The following GSE1 variants were observed in gnomAD, a reference collection of about 807,000 sequenced individuals.
GSE1 encodes Gse1 coiled-coil protein.
A neutral mutation model predicts 112.6 loss-of-function variants in GSE1; 32 were observed. That is an observed-to-expected ratio of 0.28 (90% CI 0.21 to 0.38). The LOEUF (loss-of-function observed/expected upper bound fraction) is 0.38. GSE1 is among the 10% of genes least tolerant of loss of function. The probability of loss-of-function intolerance (pLI) is 1.00; values close to 1 mark genes in which losing one functional copy is unlikely to be tolerated. For synonymous variants in GSE1, 1,115 were observed against 735.6 expected, an observed-to-expected ratio of 1.52 and a Z score of -8.35; for missense variants, 2,348 against 1,699.2, an observed-to-expected ratio of 1.38 and a Z score of -6.71.
rs35799221 is a variant in GSE1, at chr16:85,556,161, A to ATT, written c.-156_-155dup. On this transcript the variant is annotated 5_prime_UTR_variant, in exon 1 of 3. Coordinates refer to the GSE1 transcript ENST00000635906. Reference sequence around the variant, plus strand: ...TGCGGGGCGGGGGGGGGAAAGACTGATTTTTTTTTTTCGTCGCTCTCGGGA... The same window carrying ATT: ...TGCGGGGCGGGGGGGGGAAAGACTGATTTTTTTTTTTTTCGTCGCTCTCGGGA... The ATT allele has an allele frequency of 7.3e-3, 6,172 of 849,772 alleles. 10 individuals carry two copies. The highest frequency in any genetic ancestry group is 0.024 in the African/African-American group (1,251 of 51,256). 52.6% of individuals were successfully genotyped at this position (849,772 alleles called of 1,614,324 possible). A position where few individuals can be genotyped will look rare whatever the true frequency, so the allele number is the denominator to read the frequency against.
At chr16:85,488,772 G>A (rs2050919184) in intron 2 of GSE1, among the ~76,000 whole-genome samples, 1 of 152,168 alleles carries the variant, frequency 6.6e-6, no homozygotes, top group Non-Finnish European at 1.5e-5. Context: ...GGAGAAGCTT[G>A]AGCACACCAG....
intron 1 of GSE1, among the ~76,000 whole-genome samples, chr16:85,234,104 C>G (rs1381043337): frequency 6.6e-6 from 1 of 152,180 alleles, no homozygotes; most frequent in Non-Finnish European, 1.5e-5. Context: ...TTGTAGGCGT[C>G]TGGTTCTGGT....
chr16:85,611,809 G>C (rs985058787), upstream of GSE1, among the ~76,000 whole-genome samples: 6 of 151,980 alleles, frequency 3.9e-5, no homozygotes, highest in Middle Eastern at 3.4e-3. Context: ...AGATGGATGG[G>C]GGGTGGCAGG....
At chr16:85,581,576 G>T (rs998426657) in intron 1 of GSE1, among the ~76,000 whole-genome samples, 1 of 152,152 alleles carries the variant, frequency 6.6e-6, no homozygotes, top group Non-Finnish European at 1.5e-5. Flanking sequence ...TGGTCCTACC[G>T]CTCTCCTCTT....
At chr16:85,640,607 A>G (rs1333554597) in intron 2 of GSE1, among the ~76,000 whole-genome samples, 3 of 152,140 alleles carry the variant, frequency 2.0e-5, no homozygotes, top group Admixed American at 2.0e-4. Flanking sequence ...GTGTGCGGGG[A>G]CCACGGAGCA....
At chr16:85,627,577 G>A (rs1188174940) in intron 1 of GSE1, among the ~76,000 whole-genome samples, 1 of 152,052 alleles carries the variant, frequency 6.6e-6, no homozygotes, top group Non-Finnish European at 1.5e-5. Flanking sequence ...GAGGGTGGGG[G>A]CCTCGCAGAC....
At chr16:85,658,691 CGT>C (rs1567743073) in intron 8 of GSE1, among the ~76,000 whole-genome samples, 2 of 152,228 alleles carry the variant, frequency 1.3e-5, no homozygotes, top group African/African-American at 4.8e-5. Flanking sequence ...TCCCAGCCCC[CGT>C]CCCTGAGGCC....
intron 1 of GSE1, among the ~76,000 whole-genome samples, chr16:85,208,725 C>T (rs1423375669): frequency 1.3e-5 from 2 of 149,908 alleles, no homozygotes; most frequent in Admixed American, 6.7e-5. Flanking sequence ...TAGCCTGGGC[C>T]GCAGTTGACT....
At chr16:85,518,015 C>T (rs1006406627) in intron 2 of GSE1, among the ~76,000 whole-genome samples, 4 of 152,378 alleles carry the variant, frequency 2.6e-5, no homozygotes, top group South Asian at 4.1e-4. Context: ...TTCCTGCTGC[C>T]GGCCCCAAGC....
chr16:85,517,930 G>A (rs76809502), intron 2 of GSE1, among the ~76,000 whole-genome samples: 4,189 of 152,306 alleles, frequency 0.028, 98 homozygotes, highest in South Asian at 0.12. Flanking sequence ...CTGATGGAGC[G>A]CCCCTCTCCC....
At chr16:85,669,797 G>A (rs1439159635) in intron 14 of GSE1, among the ~76,000 whole-genome samples, 1 of 152,174 alleles carries the variant, frequency 6.6e-6, no homozygotes, top group African/African-American at 2.4e-5. Flanking sequence ...AATCTTAACT[G>A]TACCTTTCCC....
chr16:85,218,929 G>T (rs1367420502), intron 1 of GSE1, among the ~76,000 whole-genome samples: 2 of 152,176 alleles, frequency 1.3e-5, no homozygotes, highest in African/African-American at 4.8e-5. Flanking sequence ...GCCCAGGCTG[G>T]AGTGCAGTGG....
At chr16:85,214,718 G>A (rs4445886) in intron 1 of GSE1, among the ~76,000 whole-genome samples, 63,290 of 152,102 alleles carry the variant, frequency 0.42, 13,399 homozygotes, top group African/African-American at 0.5. Flanking sequence ...CACAGACCGC[G>A]TGGGGTGCAG....
At chr16:85,645,927 G>T (rs111923062) in intron 2 of GSE1, among the ~76,000 whole-genome samples, 2 of 136,438 alleles carry the variant, frequency 1.5e-5, no homozygotes, top group African/African-American at 5.6e-5. Context: ...CATGCATTCT[G>T]CCTGCTTCTA....
chr16:85,370,616 TCTCCCTCCCTCCTTC>T (rs2047275977), intron 2 of GSE1, among the ~76,000 whole-genome samples: 1 of 4,962 alleles, frequency 2.0e-4, no homozygotes, highest in African/African-American at 3.4e-4. Context: ...TCCCTCCTTC[TCTCCCTCCCTCCTTC>T]TCTCCCTCCC....
At chr16:85,653,191 C>G (rs182678569) in intron 3 of GSE1, among the ~76,000 whole-genome samples, 2 of 100 alleles carry the variant, frequency 0.02, 1 homozygote, top group African/African-American at 0.031. Flanking sequence ...CCCTCCGCCC[C>G]CCTCCTCCCC....
chr16:85,171,776 G>A, exon 1 of GSE1: 4 of 985,642 alleles, frequency 4.1e-6, no homozygotes, highest in Non-Finnish European at 4.8e-6. Context: ...GGACCCATGA[G>A]CTGGAGCTCC....
At chr16:85,590,018 T>G (rs942498812) in intron 1 of GSE1, among the ~76,000 whole-genome samples, 1 of 151,776 alleles carries the variant, frequency 6.6e-6, no homozygotes, top group Non-Finnish European at 1.5e-5. Context: ...CCTGTGTGAA[T>G]GAACATGAGA....
chr16:85,410,059 A>G (rs867174740), intron 2 of GSE1, among the ~76,000 whole-genome samples: 5 of 23,654 alleles, frequency 2.1e-4, no homozygotes, highest in Admixed American at 6.3e-4. Flanking sequence ...CCTCACTGTT[A>G]CACTCAGGGC....
Sources: allele counts gnomAD v4.1 joint callset (sites outside exome capture counted in the v4.1 genomes callset), GRCh38; gene constraint gnomAD v4.1.1; transcripts MANE v1.5; gene names NCBI Gene and HGNC (gene_info 2026-07-23, HGNC 2026-07-21).